The following UCK2 variants were observed in gnomAD, a reference collection of about 807,000 sequenced individuals.
UCK2 encodes the protein cytidine monophosphokinase 2.
In UCK2, 6 loss-of-function variants were observed where a neutral mutation model predicts 30.8. The observed-to-expected ratio is 0.19, with a 90% CI of 0.11 to 0.38. The LOEUF is 0.38. Among genes scored for constraint, UCK2 ranks in the 10% least tolerant of loss-of-function variants. The pLI, the probability that UCK2 is intolerant of heterozygous loss-of-function variation, is 1.00. For synonymous variants in UCK2, 125 were observed against 133.6 expected (o/e 0.94, Z 0.45); for missense variants, 210 against 339.8 (o/e 0.62, Z 3.00).
chr1:165,904,361 C>G (rs927870355), intron 5 of UCK2, among the ~76,000 whole-genome samples: 4 of 152,170 alleles, frequency 2.6e-5, no homozygotes, highest in Non-Finnish European at 4.4e-5. Flanking sequence ...GATGCCCTAT[C>G]CATTGCCCTG....
At chr1:165,859,559 G>A (rs1444067678) in intron 1 of UCK2, among the ~76,000 whole-genome samples, 7 of 152,128 alleles carry the variant, frequency 4.6e-5, no homozygotes, top group Non-Finnish European at 1.0e-4. Flanking sequence ...TGTGGCTCAC[G>A]TCTGTAATCC....
intron 1 of UCK2, among the ~76,000 whole-genome samples, chr1:165,839,273 G>A (rs1654269049): frequency 6.6e-6 from 1 of 152,140 alleles, no homozygotes; most frequent in Non-Finnish European, 1.5e-5. Flanking sequence ...AGAATATTGA[G>A]TGATACATAG....
intron 1 of UCK2, among the ~76,000 whole-genome samples, chr1:165,845,880 C>T (rs544504479): frequency 6.6e-6 from 1 of 152,198 alleles, no homozygotes; most frequent in South Asian, 2.1e-4. Flanking sequence ...TTTGCCCAGG[C>T]TGATATCTAA....
At chr1:165,851,621 TTTTC>T (rs1242677819) in intron 1 of UCK2, among the ~76,000 whole-genome samples, 1 of 152,164 alleles carries the variant, frequency 6.6e-6, no homozygotes, top group Non-Finnish European at 1.5e-5. Context: ...TGGATTTTTT[TTTTC>T]TTTCTAACAC....
chr1:165,855,599 C>T (rs549401415), intron 1 of UCK2, among the ~76,000 whole-genome samples: 6 of 151,502 alleles, frequency 4.0e-5, no homozygotes, highest in African/African-American at 7.3e-5. Flanking sequence ...TGGACATTCC[C>T]GGGTTTCTGT....
intron 3 of UCK2, chr1:165,892,556 C>T (rs1054823072): frequency 3.9e-4 from 60 of 152,210 alleles, no homozygotes; most frequent in African/African-American, 1.4e-3. Context: ...CTCTCACCTT[C>T]GAAGTCTCTT....
chr1:165,827,699 G>A lies in UCK2; in HGVS notation c.-135G>A. On this transcript the variant is annotated 5_prime_UTR_variant, in exon 1 of 7. Coordinates refer to ENST00000367879, the MANE Select transcript of UCK2 (RefSeq NM_012474.5). ...CCCGTCACCGGGCTCCGAGCGGCTC[G>A]CAGGCGAGCGACAGCGGCCTCAGCC... 1 of 744,598 alleles carries A rather than the reference G, an allele frequency of 1.3e-6. No individual in the cohort carries two copies. The highest frequency in any genetic ancestry group is 1.9e-6 in the Non-Finnish European group (1 of 536,376). 46.1% of individuals were successfully genotyped at this position (744,598 alleles called of 1,614,324 possible).
intron 1 of UCK2, among the ~76,000 whole-genome samples, chr1:165,832,122 C>T (rs995943546): frequency 6.6e-6 from 1 of 152,206 alleles, no homozygotes; most frequent in African/African-American, 2.4e-5. Flanking sequence ...ACTGTCTTCA[C>T]TTACATTTTT....
At chr1:165,897,072 C>A (rs1647284564) in intron 4 of UCK2, among the ~76,000 whole-genome samples, 3 of 152,174 alleles carry the variant, frequency 2.0e-5, no homozygotes, top group Admixed American at 1.3e-4. Flanking sequence ...TATAGGCAAC[C>A]CATGAAGGTG....
chr1:165,835,171 G>A (rs182845596), intron 1 of UCK2, among the ~76,000 whole-genome samples: 1 of 152,112 alleles, frequency 6.6e-6, no homozygotes, highest in Non-Finnish European at 1.5e-5. Flanking sequence ...CAGGCTTCTA[G>A]TCTCCTAGGC....
At chr1:165,887,492 A>G (rs529131852) in intron 1 of UCK2, among the ~76,000 whole-genome samples, 2 of 152,314 alleles carry the variant, frequency 1.3e-5, no homozygotes, top group African/African-American at 2.4e-5. Flanking sequence ...TGGGATTGCT[A>G]TTTACATTAA....
At chr1:165,860,861 T>G (rs927788176) in intron 1 of UCK2, among the ~76,000 whole-genome samples, 2 of 152,170 alleles carry the variant, frequency 1.3e-5, no homozygotes, top group African/African-American at 4.8e-5. Flanking sequence ...AGGAACCAAG[T>G]CTGCATGATT....
rs139651946 is a variant in UCK2, at chr1:165,855,682, C to T, written c.99+27750C>T. Among the ~76,000 whole-genome samples the T allele has an allele frequency of 2.9e-3, 448 of 152,092 alleles. 7 individuals carry two copies. The highest frequency in any genetic ancestry group is 0.01 in the African/African-American group (424 of 41,456). On this transcript the variant is annotated intron_variant, in intron 1 of 6. Transcript: ENST00000367879. ...TTGCTGTGCGTGAGCTGCTGGAAGT[C>T]GCTGTGTCTGACTAGTGTGTAGAAG...
At chr1:165,871,441 C>G (rs1054734921) in intron 1 of UCK2, among the ~76,000 whole-genome samples, 1 of 152,172 alleles carries the variant, frequency 6.6e-6, no homozygotes, top group African/African-American at 2.4e-5. Context: ...TCCTGGTGAA[C>G]TCCACAGGGA....
intron 2 of UCK2, chr1:165,890,847 A>G (rs1046202439): frequency 7.7e-5 from 20 of 258,954 alleles, no homozygotes; most frequent in Non-Finnish European, 1.4e-4. Context: ...TATAATTGTT[A>G]GAAGCAAACC....
rs557256981 is a variant in UCK2, at chr1:165,908,671, T to G, written c.*848T>G. ...GAAGAGATTTTATGGGATCGCTTCC[T>G]GATAGAAGATGGGAAGGAGAGGGCA... On this transcript the variant is annotated 3_prime_UTR_variant, in exon 7 of 7. Transcript: ENST00000367879. 3 of 152,262 alleles carry G rather than the reference T, an allele frequency of 2.0e-5. No individual in the cohort carries two copies. In the East Asian group the frequency reaches 5.8e-4, roughly 29 times the overall value. 9.4% of individuals were successfully genotyped at this position (152,262 alleles called of 1,614,324 possible). A position where few individuals can be genotyped will look rare whatever the true frequency, so the allele number is the denominator to read the frequency against.
chr1:165,851,944 T>A (rs1437366240), intron 1 of UCK2, among the ~76,000 whole-genome samples: 2 of 152,244 alleles, frequency 1.3e-5, no homozygotes, highest in African/African-American at 4.8e-5. Context: ...TAGTGTTGCA[T>A]GGAGTATATG....
rs140530336 is a variant in UCK2 at position 165,881,151 on chromosome 1, C to T, written c.100-9053C>T. On this transcript the variant is annotated intron_variant, in intron 1 of 6. Coordinates refer to ENST00000367879, the MANE Select transcript of UCK2 (RefSeq NM_012474.5). ...TCACGCCACTGTACTCCAGCCTGGG[C>T]GACAGAGTAAGACTCTGTCTCAATA... Among the ~76,000 whole-genome samples, 723 of 126,818 alleles carry T rather than the reference C, an allele frequency of 5.7e-3. 5 individuals are homozygous for T. The highest frequency in any genetic ancestry group is 0.02 in the African/African-American group (660 of 32,658). The allele number at this position is 126,818 out of a possible 152,430, so 83.2% of individuals were successfully genotyped here.
chr1:165,827,676 C>A lies in UCK2; in HGVS notation c.-158C>A, dbSNP rs993227281. On this transcript the variant is annotated 5_prime_UTR_variant, in exon 1 of 7. Coordinates refer to ENST00000367879, the MANE Select transcript of UCK2 (RefSeq NM_012474.5). ...TTGGCTCCTTCGGGAAACCCAGCCC[C>A]GTCACCGGGCTCCGAGCGGCTCGCA... The A allele has an allele frequency of 1.8e-6, 1 of 548,448 alleles. No homozygotes were observed. Among genetic ancestry groups the A allele is most frequent in the Non-Finnish European group, 2.8e-6 (1 of 360,736 alleles). The allele number at this position is 548,448 out of a possible 1,614,324, so 34.0% of individuals were successfully genotyped here. A position where few individuals can be genotyped will look rare whatever the true frequency, so the allele number is the denominator to read the frequency against.
Sources: gnomAD v4.1 joint callset for allele counts (sites outside exome capture counted in the v4.1 genomes callset) on GRCh38, gnomAD v4.1.1 for gene constraint, MANE v1.5 for transcripts, NCBI Gene and HGNC (gene_info 2026-07-23, HGNC 2026-07-21) for gene names.